The following XIRP2 variants were observed in gnomAD, a reference collection of about 807,000 sequenced individuals.
XIRP2 encodes xin actin-binding repeat-containing protein 2.
XIRP2 carries 236 observed loss-of-function variants against 277.0 expected under a neutral mutation model. That is an observed-to-expected ratio of 0.85 (90% CI 0.77 to 0.95). The LOEUF (loss-of-function observed/expected upper bound fraction) is 0.95. XIRP2 is among the 40% of genes least tolerant of loss of function. The pLI, the probability that XIRP2 is intolerant of heterozygous loss-of-function variation, is 0.00. For missense variants in XIRP2, 4,640 were observed against 4,157.5 expected (o/e 1.12, Z -3.19); for synonymous variants, 1,490 against 1,416.5 (o/e 1.05, Z -1.17).
chr2:166,994,967 C>T (rs937897617), intron 2 of XIRP2, among the ~76,000 whole-genome samples: 15 of 151,708 alleles, frequency 9.9e-5, no homozygotes, highest in Admixed American at 6.6e-4. Context: ...CTGCAACCTC[C>T]GCCTCCCGGG....
intron 3 of XIRP2, among the ~76,000 whole-genome samples, chr2:167,177,418 A>G (rs936013897): frequency 3.3e-5 from 5 of 152,182 alleles, no homozygotes; most frequent in South Asian, 4.1e-4. Context: ...TCCTAAGGGA[A>G]ATCTGAAGTT....
chr2:167,255,884 T>A (rs1283302963), intron 10 of XIRP2, among the ~76,000 whole-genome samples: 1 of 151,920 alleles, frequency 6.6e-6, no homozygotes, highest in African/African-American at 2.4e-5. Context: ...AAGTCAGTTT[T>A]GCTGAAATTA....
intron 2 of XIRP2, among the ~76,000 whole-genome samples, chr2:167,100,303 G>T (rs940996144): frequency 6.6e-5 from 10 of 152,012 alleles, no homozygotes; most frequent in African/African-American, 2.2e-4. Flanking sequence ...CTTTGAAAAG[G>T]TTTACTTCTT....
At chr2:167,085,804 C>A (rs1307681768) in intron 2 of XIRP2, among the ~76,000 whole-genome samples, 1 of 151,986 alleles carries the variant, frequency 6.6e-6, no homozygotes, top group Non-Finnish European at 1.5e-5. Flanking sequence ...GGTAGATCTT[C>A]CTCCATCCTT....
At position 167,243,579 on chromosome 2, in the gene XIRP2, T is replaced by TA; in HGVS notation, c.2191dup (p.Arg731LysfsTer15). 1 of 1,613,992 alleles carries TA rather than the reference T, an allele frequency of 6.2e-7. No homozygotes were observed. Among genetic ancestry groups the TA allele is most frequent in the Non-Finnish European group, 8.5e-7 (1 of 1,179,978 alleles). On this transcript the variant is annotated frameshift_variant, in exon 9 of 11. Coordinates refer to ENST00000409195, the MANE Select transcript of XIRP2 (RefSeq NM_152381.6). LOFTEE classifies it high-confidence loss of function. ...AGCTCAAAGAAATTAAGGGAAATGT[T>TA]AAAAGAAGTATAAAATGTTTCGAAA...
At chr2:167,049,119 C>T (rs1159172716) in intron 2 of XIRP2, among the ~76,000 whole-genome samples, 11 of 151,246 alleles carry the variant, frequency 7.3e-5, no homozygotes. Flanking sequence ...CTCTCTGTGT[C>T]TTTCTCTCTG....
At chr2:167,239,788 C>T in intron 5 of XIRP2, 67 bp from the exon 6 acceptor site, 1 of 1,366,532 alleles carries the variant, frequency 7.3e-7, no homozygotes. Flanking sequence ...ACTGAAATTG[C>T]ACAAATAAAA....
rs534855387 is a variant in XIRP2 at position 167,210,837 on chromosome 2, G to A, written c.665G>A (p.Arg222Gln). The A allele has an allele frequency of 2.8e-5, 46 of 1,614,158 alleles. No individual in the cohort carries two copies. Among genetic ancestry groups the A allele is most frequent in the South Asian group, 1.5e-4 (14 of 91,076 alleles). ...CACGAAGTGGTCTCCCTGAAGGAGCGGATGGCGAGGTACCAGGCAGCTGTT... is the reference window on the plus strand; with the variant it reads ...CACGAAGTGGTCTCCCTGAAGGAGCAGATGGCGAGGTACCAGGCAGCTGTT... ...DLHEVVSLKE[R>Q]MARYQAAVSR... Residue 222 changes from arginine (R) to glutamine (Q), a missense_variant, in exon 4 of 11, where the codon CGG (arginine) becomes CAG (glutamine). Coordinates refer to ENST00000409195, the MANE Select transcript of XIRP2 (RefSeq NM_152381.6).
intron 2 of XIRP2, among the ~76,000 whole-genome samples, chr2:166,923,806 C>T (rs1431629953): frequency 6.6e-6 from 1 of 152,054 alleles, no homozygotes; most frequent in Non-Finnish European, 1.5e-5. Flanking sequence ...CTGGGAGCAT[C>T]TACATTTCCA....
chr2:167,044,027 C>A (rs951140654), intron 2 of XIRP2, among the ~76,000 whole-genome samples: 1 of 151,976 alleles, frequency 6.6e-6, no homozygotes, highest in Non-Finnish European at 1.5e-5. Flanking sequence ...AAATCCTCAA[C>A]AAAGTACTAG....
Position 166,927,799 on chromosome 2 carries a change from G to C in XIRP2, c.408+23909G>C, listed in dbSNP as rs950733013. 2.6e-5 allele frequency among the ~76,000 whole-genome samples: 4 copies of C among 152,092 alleles called. No homozygotes were observed. The East Asian group carries it at 5.8e-4, about 22-fold the overall frequency. On this transcript the variant is annotated intron_variant, in intron 2 of 10. Coordinates refer to ENST00000409195, the MANE Select transcript of XIRP2 (RefSeq NM_152381.6). ...GCATCCTTGGTGGGGATGTGTGTGT[G>C]GGGGGATGGAGGCTCATTATGCCTA...
chr2:167,055,217 A>G (rs992916170), intron 2 of XIRP2, among the ~76,000 whole-genome samples: 2 of 152,178 alleles, frequency 1.3e-5, no homozygotes, highest in African/African-American at 2.4e-5. Context: ...GACCACAAAG[A>G]AAAAAGGCTC....
intron 2 of XIRP2, among the ~76,000 whole-genome samples, chr2:167,023,826 G>T (rs1056177236): frequency 3.3e-5 from 5 of 151,964 alleles, no homozygotes; most frequent in African/African-American, 1.2e-4. Context: ...TCTCTGTTTT[G>T]GTACCAGTAC....
chr2:167,237,943 G>T (rs1467539202), intron 5 of XIRP2, among the ~76,000 whole-genome samples: 1 of 152,148 alleles, frequency 6.6e-6, no homozygotes, highest in Non-Finnish European at 1.5e-5. Flanking sequence ...TGTTATTGCT[G>T]TCTCTAGCAT....
intron 2 of XIRP2, among the ~76,000 whole-genome samples, chr2:167,059,593 A>G (rs924454989): frequency 6.6e-6 from 1 of 152,344 alleles, no homozygotes; most frequent in African/African-American, 2.4e-5. Flanking sequence ...AGCAAAATCA[A>G]CTTACGGGGA....
intron 2 of XIRP2, among the ~76,000 whole-genome samples, chr2:166,979,593 A>T (rs542317095): frequency 6.6e-6 from 1 of 152,060 alleles, no homozygotes; most frequent in Non-Finnish European, 1.5e-5. Flanking sequence ...TGTTTTTACC[A>T]TGAATAGTAT....
chr2:167,001,359 G>A (rs1233086407), intron 2 of XIRP2, among the ~76,000 whole-genome samples: 2 of 152,084 alleles, frequency 1.3e-5, no homozygotes, highest in African/African-American at 2.4e-5. Context: ...TGCTGATTCA[G>A]ATTCTGAGTT....
intron 2 of XIRP2, among the ~76,000 whole-genome samples, chr2:167,036,860 C>T (rs1404348120): frequency 6.6e-6 from 1 of 152,112 alleles, no homozygotes; most frequent in African/African-American, 2.4e-5. Context: ...GTGATATTCT[C>T]ATGATAGTGA....
At chr2:167,217,152 A>C (rs1573966545) in intron 4 of XIRP2, among the ~76,000 whole-genome samples, 2 of 111,142 alleles carry the variant, frequency 1.8e-5, no homozygotes, top group Admixed American at 9.8e-5. Flanking sequence ...GGGAGGGGGA[A>C]GGGGTAGCAT....
Sources: allele counts gnomAD v4.1 joint callset (sites outside exome capture counted in the v4.1 genomes callset), GRCh38; gene constraint gnomAD v4.1.1; transcripts MANE v1.5; gene names NCBI Gene and HGNC (gene_info 2026-07-23, HGNC 2026-07-21).